The following SH3D19 variants were observed in gnomAD, a reference collection of about 807,000 sequenced individuals.
SH3D19 encodes SH3 domain-containing protein 19.
A neutral mutation model predicts 112.1 loss-of-function variants in SH3D19; 58 were observed. That is an observed-to-expected ratio of 0.52 (90% CI 0.42 to 0.64). The LOEUF (loss-of-function observed/expected upper bound fraction) is 0.64. SH3D19 is among the 30% of genes least tolerant of loss of function. The pLI, the probability that SH3D19 is intolerant of heterozygous loss-of-function variation, is 0.00. For missense variants in SH3D19, 1,090 were observed against 1,263.4 expected, an observed-to-expected ratio of 0.86 and a Z score of 2.08; for synonymous variants, 391 against 448.5, an observed-to-expected ratio of 0.87 and a Z score of 1.62.
In SH3D19 at chr4:151,120,623, A is replaced by G. The variant is rs1281188036; in HGVS notation, c.*1468T>C. ...TTACCAAAACGTATTAGAAGTCCCC[A>G]TAGTCCAAAATAAAATGTAACCATA... On this transcript the variant is annotated 3_prime_UTR_variant, in exon 20 of 20. Coordinates refer to ENST00000604030, the MANE Select transcript of SH3D19 (RefSeq NM_001378122.1). 1 of 152,250 alleles carries G rather than the reference A, an allele frequency of 6.6e-6. No homozygotes were observed. Among genetic ancestry groups the G allele is most frequent in the Non-Finnish European group, 1.5e-5 (1 of 68,052 alleles). 9.4% of individuals were successfully genotyped at this position (152,250 alleles called of 1,614,324 possible).
Position 151,121,610 on chromosome 4 carries a change from C to A in SH3D19, c.*481G>T, listed in dbSNP as rs1303382425. 1 of 152,338 alleles carries A rather than the reference C, an allele frequency of 6.6e-6. No homozygotes were observed. Among genetic ancestry groups the A allele is most frequent in the Non-Finnish European group, 1.5e-5 (1 of 68,184 alleles). The allele number at this position is 152,338 out of a possible 1,614,324, so 9.4% of individuals were successfully genotyped here. On this transcript the variant is annotated 3_prime_UTR_variant, in exon 20 of 20. Coordinates refer to ENST00000604030, the MANE Select transcript of SH3D19 (RefSeq NM_001378122.1). ...GGAAGGATTTGCTCTGGTAATAAGG[C>A]TGATATGCTCAAGCTGTAAGAATTA...
intron 2 of SH3D19, among the ~76,000 whole-genome samples, chr4:151,194,016 ATTTTTTTT>A (rs201719037): frequency 4.5e-5 from 5 of 111,896 alleles, no homozygotes; most frequent in Middle Eastern, 4.3e-3. Context: ...AGTAGGATTA[ATTTTTTTT>A]TTTTTTTTTT....
chr4:151,194,773 A>T (rs910629814), intron 2 of SH3D19, among the ~76,000 whole-genome samples: 4 of 152,078 alleles, frequency 2.6e-5, no homozygotes, highest in East Asian at 1.9e-4. Flanking sequence ...ATTAATGTGC[A>T]TCTAACTGTT....
intron 1 of SH3D19, among the ~76,000 whole-genome samples, chr4:151,250,683 A>T (rs1561400693): frequency 6.6e-6 from 1 of 152,222 alleles, no homozygotes; most frequent in Non-Finnish European, 1.5e-5. Flanking sequence ...CCCAGCAGGC[A>T]CCAGAAGAAG....
chr4:151,134,976 C>A, intron 15 of SH3D19, 98 bp downstream of exon 15: 2 of 981,218 alleles, frequency 2.0e-6, no homozygotes, highest in Admixed American at 2.4e-5. Context: ...TCTGAGCCAC[C>A]ATGCCTGGCC....
chr4:151,239,325 G>A (rs1245239644), intron 1 of SH3D19, among the ~76,000 whole-genome samples: 5 of 152,164 alleles, frequency 3.3e-5, no homozygotes, highest in Non-Finnish European at 7.3e-5. Flanking sequence ...CAACATAAGT[G>A]TCTGTTGTCG....
At chr4:151,155,513 GA>G (rs1201236602) in intron 9 of SH3D19, among the ~76,000 whole-genome samples, 1 of 150,118 alleles carries the variant, frequency 6.7e-6, no homozygotes, top group Non-Finnish European at 1.5e-5. Flanking sequence ...AATTTGAACT[GA>G]AAATTTGGTT....
intron 1 of SH3D19, among the ~76,000 whole-genome samples, chr4:151,245,379 G>C (rs1770869074): frequency 6.6e-6 from 1 of 152,016 alleles, no homozygotes; most frequent in South Asian, 2.1e-4. Flanking sequence ...ATCAATGCTT[G>C]ATTAAGGAAA....
intron 1 of SH3D19, chr4:151,282,239 G>C: frequency 6.2e-7 from 1 of 1,613,882 alleles, no homozygotes; most frequent in Non-Finnish European, 8.5e-7. Context: ...GTCCAAAATC[G>C]TCATCCATCC....
chr4:151,155,985 C>T lies in SH3D19; in HGVS notation c.1755+3255G>A, dbSNP rs150033827. Among the ~76,000 whole-genome samples the T allele has an allele frequency of 5.7e-4, 86 of 152,108 alleles. No homozygotes were observed. The East Asian group carries it at 0.016, about 28-fold the overall frequency. ...ATGAATTCAGTAAAGTTGCAGGATA[C>T]AAAATTAATATACAAATATCAGTAA... On this transcript the variant is annotated intron_variant, in intron 9 of 19. Coordinates refer to ENST00000604030, the MANE Select transcript of SH3D19 (RefSeq NM_001378122.1).
intron 1 of SH3D19, among the ~76,000 whole-genome samples, chr4:151,239,282 A>G (rs567587636): frequency 6.6e-6 from 1 of 152,302 alleles, no homozygotes; most frequent in East Asian, 1.9e-4. Context: ...ATCCCTTGAA[A>G]TGCCTGGCAG....
At chr4:151,218,806 T>A (rs1767568323) in intron 2 of SH3D19, among the ~76,000 whole-genome samples, 1 of 152,186 alleles carries the variant, frequency 6.6e-6, no homozygotes. Context: ...ATTATTTGTG[T>A]TTTGCCATGT....
At chr4:151,213,748 T>G (rs1580193423) in intron 2 of SH3D19, among the ~76,000 whole-genome samples, 1 of 151,840 alleles carries the variant, frequency 6.6e-6, no homozygotes, top group Non-Finnish European at 1.5e-5. Context: ...GGTACAATCC[T>G]AGCTCACTGT....
rs202033680 is a variant in SH3D19 at position 151,254,279 on chromosome 4, AATT to A, written c.113-28196_113-28194del. On this transcript the variant is annotated intron_variant, in intron 1 of 19. Transcript: ENST00000604030. ...CTTTGTAAACCAAAAGGATACCTTG[AATT>A]ATTATTTTTTTTATTTTTATTTATT... Among the ~76,000 whole-genome samples the A allele has an allele frequency of 1.1e-4, 17 of 148,920 alleles. No individual in the cohort carries two copies. The East Asian group carries it at 3.1e-3, about 27-fold the overall frequency.
intron 10 of SH3D19, 61 bp downstream of exon 10, chr4:151,149,439 T>TA (rs1561232924): frequency 6.7e-6 from 9 of 1,350,812 alleles, no homozygotes; most frequent in Non-Finnish European, 9.5e-6. Flanking sequence ...ATCTTGGTGA[T>TA]AAAAAAGAGT....
At chr4:151,253,777 A>G (rs1358956520) in intron 1 of SH3D19, among the ~76,000 whole-genome samples, 1 of 151,962 alleles carries the variant, frequency 6.6e-6, no homozygotes, top group Non-Finnish European at 1.5e-5. Context: ...CAACAACAAC[A>G]ACAACAAAAA....
intron 2 of SH3D19, among the ~76,000 whole-genome samples, chr4:151,192,487 T>C (rs749861286): frequency 6.6e-6 from 1 of 152,240 alleles, no homozygotes; most frequent in Non-Finnish European, 1.5e-5. Flanking sequence ...GTTCACAATA[T>C]ATATGGCTGA....
chr4:151,282,314 T>C (rs778491461), intron 1 of SH3D19: 1 of 1,613,954 alleles, frequency 6.2e-7, no homozygotes, highest in Non-Finnish European at 8.5e-7. Flanking sequence ...CACCTTCACT[T>C]CTGCCATCCT....
At chr4:151,276,130 A>G (rs1268811176) in intron 1 of SH3D19, among the ~76,000 whole-genome samples, 1 of 152,182 alleles carries the variant, frequency 6.6e-6, no homozygotes, top group South Asian at 2.1e-4. Flanking sequence ...GGCATGAGCC[A>G]CCGTGCCTGG....
Sources: gnomAD v4.1 joint callset for allele counts (sites outside exome capture counted in the v4.1 genomes callset) on GRCh38, gnomAD v4.1.1 for gene constraint, MANE v1.5 for transcripts, NCBI Gene and HGNC (gene_info 2026-07-23, HGNC 2026-07-21) for gene names.